The following RAD23B variants were observed in gnomAD, a reference collection of about 807,000 sequenced individuals.
The protein encoded by RAD23B is lysine-specific demethylase RAD23B.
In RAD23B, 5 loss-of-function variants were observed where a neutral mutation model predicts 49.1. That is an observed-to-expected ratio of 0.10 (90% CI 0.05 to 0.21). The LOEUF (loss-of-function observed/expected upper bound fraction) is 0.21, where lower values mean the gene tolerates loss of function less well. Ranked by LOEUF, RAD23B falls within the 10% of genes least tolerant of loss-of-function variation. The pLI is 1.00. For synonymous variants in RAD23B, 184 were observed against 165.4 expected (o/e 1.11, Z -0.86); for missense variants, 356 against 486.7 (o/e 0.73, Z 2.53).
chr9:107,321,127 G>T (rs898896409), intron 6 of RAD23B, among the ~76,000 whole-genome samples: 1 of 152,076 alleles, frequency 6.6e-6, no homozygotes, highest in African/African-American at 2.4e-5. Flanking sequence ...AACTTTAAAA[G>T]ATAAGTACTA....
At position 107,296,589 on chromosome 9, in the gene RAD23B, G is replaced by A. The variant is rs73515773; in HGVS notation, c.67-3552G>A. 4.8e-3 allele frequency among the ~76,000 whole-genome samples: 717 copies of A among 150,904 alleles called. 7 individuals are homozygous for A. Among genetic ancestry groups the A allele is most frequent in the African/African-American group, 0.017 (686 of 41,112 alleles). ...CTCTTTTTTTTTTTCTTTTTCTTGAGACAGTCTCATTCTGTCACCCAGGCT... is the reference window on the plus strand; with the variant it reads ...CTCTTTTTTTTTTTCTTTTTCTTGAAACAGTCTCATTCTGTCACCCAGGCT... On this transcript the variant is annotated intron_variant, in intron 1 of 9. Transcript: ENST00000358015.
intron 2 of RAD23B, among the ~76,000 whole-genome samples, chr9:107,300,744 C>G (rs893546442): frequency 6.6e-6 from 1 of 152,030 alleles, no homozygotes; most frequent in African/African-American, 2.4e-5. Flanking sequence ...ATTTGACTAG[C>G]CTCACTAATA....
chr9:107,316,246 C>T (rs953434371), intron 5 of RAD23B, among the ~76,000 whole-genome samples: 8 of 151,694 alleles, frequency 5.3e-5, no homozygotes, highest in South Asian at 2.1e-4. Context: ...CTCCTGATCT[C>T]GTGATCTGCC....
intron 1 of RAD23B, among the ~76,000 whole-genome samples, chr9:107,297,278 A>C (rs1486239591): frequency 6.6e-6 from 1 of 151,628 alleles, no homozygotes; most frequent in Non-Finnish European, 1.5e-5. Flanking sequence ...TTACTTCTTT[A>C]GCCAAATCAT....
In RAD23B at chr9:107,311,750, T is replaced by A. The variant is rs758853058; in HGVS notation, c.553+13T>A. 2 of 1,558,414 alleles carry A rather than the reference T, an allele frequency of 1.3e-6. No homozygotes were observed. The highest frequency in any genetic ancestry group is 2.4e-5 in the South Asian group (2 of 81,900). On this transcript the variant is annotated intron_variant, in intron 5 of 9. Transcript: ENST00000358015. ...ACGAGTGCACTTGGTAAGTATCTGCTTTTCCTTATAAATAACCTATAAAGA... is the reference window on the plus strand; with the variant it reads ...ACGAGTGCACTTGGTAAGTATCTGCATTTCCTTATAAATAACCTATAAAGA...
At chr9:107,324,045 T>C in intron 8 of RAD23B, 28 bp downstream of exon 8, 1 of 1,606,552 alleles carries the variant, frequency 6.2e-7, no homozygotes. Context: ...GTTTCACAAG[T>C]GATTTAGAGT....
At chr9:107,286,415 T>C (rs1833273392) in intron 1 of RAD23B, among the ~76,000 whole-genome samples, 1 of 152,178 alleles carries the variant, frequency 6.6e-6, no homozygotes, top group South Asian at 2.1e-4. Context: ...ATAATTTGTT[T>C]TAAGGTGTTT....
rs547537939 is a variant in RAD23B at position 107,330,406 on chromosome 9, T to G, written c.*750T>G. On this transcript the variant is annotated 3_prime_UTR_variant, in exon 10 of 10. Transcript: ENST00000358015. This position sits in a 1 kb window ranked among gnomAD's most constrained non-coding sequence, Gnocchi z 4.4. ...AAAAAATTGGTAGGTGTCTAATTACTGTTTACTTCATTGTTATATTGCAGT... is the reference window on the plus strand; with the variant it reads ...AAAAAATTGGTAGGTGTCTAATTACGGTTTACTTCATTGTTATATTGCAGT... The G allele has an allele frequency of 6.6e-6, 1 of 152,660 alleles. No individual in the cohort carries two copies. Among genetic ancestry groups the G allele is most frequent in the Non-Finnish European group, 1.5e-5 (1 of 68,050 alleles). 9.5% of individuals were successfully genotyped at this position (152,660 alleles called of 1,614,324 possible). A position where few individuals can be genotyped will look rare whatever the true frequency, so the allele number is the denominator to read the frequency against.
At chr9:107,302,773 A>G (rs529896269) in intron 3 of RAD23B, among the ~76,000 whole-genome samples, 21 of 151,294 alleles carry the variant, frequency 1.4e-4, no homozygotes, top group Admixed American at 7.3e-4. Context: ...CTCCTGCCTC[A>G]GCCTCCCTAG....
chr9:107,299,488 G>A lies in RAD23B; in HGVS notation c.67-653G>A, dbSNP rs145722119. Among the ~76,000 whole-genome samples the A allele has an allele frequency of 7.2e-5, 11 of 152,288 alleles. No individual in the cohort carries two copies. In the East Asian group the frequency reaches 1.9e-3, roughly 27 times the overall value. ...GAGACTATAAAGGTCATGGATTCCA[G>A]CTCCTCTTACAGATGAATGAAGCTG... On this transcript the variant is annotated intron_variant, in intron 1 of 9. Coordinates refer to ENST00000358015, the MANE Select transcript of RAD23B (RefSeq NM_002874.5).
chr9:107,319,232 G>A (rs554868591), intron 6 of RAD23B, among the ~76,000 whole-genome samples: 2 of 142,854 alleles, frequency 1.4e-5, no homozygotes, highest in African/African-American at 5.3e-5. Flanking sequence ...CCAGGTTCAC[G>A]CCTTTCTCCT....
intron 1 of RAD23B, among the ~76,000 whole-genome samples, chr9:107,293,847 GATT>G (rs1169935393): frequency 6.6e-6 from 1 of 152,198 alleles, no homozygotes; most frequent in Admixed American, 6.5e-5. Context: ...ACGCTGACAA[GATT>G]ATAGCTCACT....
chr9:107,324,397 A>G (rs906411773), intron 8 of RAD23B, among the ~76,000 whole-genome samples: 2 of 151,752 alleles, frequency 1.3e-5, no homozygotes, highest in Non-Finnish European at 2.9e-5. Context: ...AGCAACAGGA[A>G]CAACTTACTC....
chr9:107,318,242 C>G lies in RAD23B; in HGVS notation c.554-510C>G, dbSNP rs982435708. Among the ~76,000 whole-genome samples the G allele has an allele frequency of 6.6e-6, 1 of 152,102 alleles. No homozygotes were observed. Among genetic ancestry groups the G allele is most frequent in the Non-Finnish European group, 1.5e-5 (1 of 68,018 alleles). On this transcript the variant is annotated intron_variant, in intron 5 of 9. Coordinates refer to ENST00000358015, the MANE Select transcript of RAD23B (RefSeq NM_002874.5). This position sits in a 1 kb window ranked among gnomAD's most constrained non-coding sequence, Gnocchi z 4.3. ...GCTCACTGTACTAAAATCAGGGAGCCGGCATTCCTTTTTGGAGACTCCGGG... is the reference window on the plus strand; with the variant it reads ...GCTCACTGTACTAAAATCAGGGAGCGGGCATTCCTTTTTGGAGACTCCGGG...
At position 107,283,504 on chromosome 9, in the gene RAD23B, A is replaced by C. The variant is rs1446860581; in HGVS notation, c.-126A>C. The C allele has an allele frequency of 1.6e-5, 10 of 617,574 alleles. No homozygotes were observed. The Admixed American group carries it at 2.6e-4, about 16-fold the overall frequency. 38.3% of individuals were successfully genotyped at this position (617,574 alleles called of 1,614,324 possible). A position where few individuals can be genotyped will look rare whatever the true frequency, so the allele number is the denominator to read the frequency against. On this transcript the variant is annotated 5_prime_UTR_variant, in exon 1 of 10. Transcript: ENST00000358015. The stretch of plus-strand genomic sequence containing the variant: ...CGCTGGGCGAATGTGACAAGCCCCC[A>C]CCCCCACCGCCTTCCTCCCCAGAGC...
rs759438239 is a variant in RAD23B at position 107,311,696 on chromosome 9, C to G, written c.512C>G (p.Ser171Cys). ...PTATDSTSGD[S>C]SRSNLFEDAT... is the part of the protein sequence containing the mutation. ...TCCTTTTGTAGTACATCGGGTGATT[C>G]TTCTCGGTCAAACCTTTTTGAAGAT... Residue 171 changes from serine to cysteine, a missense_variant, in exon 5 of 10, where the codon TCT (serine) becomes TGT (cysteine). Coordinates refer to ENST00000358015, the MANE Select transcript of RAD23B (RefSeq NM_002874.5). 4.5e-6 allele frequency: 7 copies of G among 1,563,196 alleles called. No individual in the cohort carries two copies. In the South Asian group the frequency reaches 8.6e-5, roughly 19 times the overall value.
chr9:107,285,631 C>A (rs1833260861), intron 1 of RAD23B, among the ~76,000 whole-genome samples: 1 of 152,148 alleles, frequency 6.6e-6, no homozygotes, highest in Non-Finnish European at 1.5e-5. Flanking sequence ...CAGTTTATTT[C>A]CAAGGAAAAG....
intron 4 of RAD23B, 59 bp downstream of exon 4, chr9:107,306,706 G>A: frequency 6.6e-7 from 1 of 1,521,384 alleles, no homozygotes; most frequent in African/African-American, 1.4e-5. Flanking sequence ...GGAACTTCAT[G>A]CATTTATTTT....
chr9:107,313,529 AT>A (rs1326691660), intron 5 of RAD23B, among the ~76,000 whole-genome samples: 2 of 152,118 alleles, frequency 1.3e-5, no homozygotes, highest in Non-Finnish European at 1.5e-5. Flanking sequence ...CGGCCAGTTA[AT>A]TCGTTTTATT....
Sources: gnomAD v4.1 joint callset for allele counts (sites outside exome capture counted in the v4.1 genomes callset) on GRCh38, gnomAD v4.1.1 for gene constraint, Gnocchi (gnomAD v3.1) non-coding constraint, MANE v1.5 for transcripts, NCBI Gene and HGNC (gene_info 2026-07-23, HGNC 2026-07-21) for gene names.